The following TVP23C variants were observed in gnomAD, a reference collection of about 807,000 sequenced individuals.
TVP23C encodes Golgi apparatus membrane protein TVP23 homolog C.
In TVP23C, 19 loss-of-function variants were observed where a neutral mutation model predicts 28.7. The observed-to-expected ratio is 0.66, with a 90% confidence interval of 0.46 to 0.97. The LOEUF is 0.97. Ranked by LOEUF, TVP23C falls within the 50% of genes least tolerant of loss-of-function variation. The pLI, the probability that TVP23C is intolerant of heterozygous loss-of-function variation, is 0.00. For missense variants in TVP23C, 186 were observed against 241.3 expected, an observed-to-expected ratio of 0.77 and a Z score of 1.52; for synonymous variants, 68 against 81.7, an observed-to-expected ratio of 0.83 and a Z score of 0.90.
At chr17:15,525,639 C>A (rs1982687658) in intron 5 of TVP23C, among the ~76,000 whole-genome samples, 1 of 152,178 alleles carries the variant, frequency 6.6e-6, no homozygotes, top group Non-Finnish European at 1.5e-5. Context: ...ACTGTGTAAG[C>A]CAACTCCTTG....
At chr17:15,525,630 C>T (rs1405007025) in intron 5 of TVP23C, among the ~76,000 whole-genome samples, 3 of 152,204 alleles carry the variant, frequency 2.0e-5, no homozygotes, top group Non-Finnish European at 2.9e-5. Context: ...GTTCCCACAA[C>T]TGTGTAAGCC....
intron 1 of TVP23C, 70 bp downstream of exon 1, chr17:15,563,367 C>G: frequency 1.3e-6 from 2 of 1,546,018 alleles, no homozygotes; most frequent in South Asian, 1.2e-5. Context: ...GACGCGGGCT[C>G]CAGTCCCACG....
Position 15,545,848 on chromosome 17 carries a change from G to A in TVP23C, c.399C>T (p.Ala133=), listed in dbSNP as rs1983623419. 6.2e-7 allele frequency: 1 copy of A among 1,614,104 alleles called. No individual in the cohort carries two copies. The highest frequency in any genetic ancestry group is 2.2e-5 in the East Asian group (1 of 44,858). Residue 133 remains alanine (A), a synonymous_variant, in exon 5 of 6, where the codon GCC becomes GCT. Coordinates refer to ENST00000518321, the MANE Select transcript of TVP23C (RefSeq NM_001135036.2). ...ESRIFWLGLI[A]CSVLWVIFAF... ...CAAATATCACCCACAGTACTGAACA[G>A]GCAATAAGTCCCAACCAAAAGATTC...
In TVP23C at chr17:15,511,497, AG is replaced by A. The variant is rs563657354; in HGVS notation, c.463-8266del. ...CCAAACAACTGGTTTTAGGTCCTAA[AG>A]AATTTGAATCATTAAGAAATTTAAA... On this transcript the variant is annotated intron_variant, in intron 5 of 5. Coordinates refer to the TVP23C transcript ENST00000225576. 1.8e-3 allele frequency among the ~76,000 whole-genome samples: 270 copies of A among 152,360 alleles called. 1 individual carries two copies. The highest frequency in any genetic ancestry group is 6.3e-3 in the African/African-American group (262 of 41,584).
chr17:15,505,757 G>A (rs1247159483), intron 5 of TVP23C, among the ~76,000 whole-genome samples: 1 of 152,068 alleles, frequency 6.6e-6, no homozygotes, highest in African/African-American at 2.4e-5. Context: ...TGGAGTTCCG[G>A]GTGGGCGTGG....
At chr17:15,533,165 G>A (rs1395975270), downstream of TVP23C, among the ~76,000 whole-genome samples, 1 of 152,096 alleles carries the variant, frequency 6.6e-6, no homozygotes, top group East Asian at 1.9e-4. Flanking sequence ...ACTTACGTGA[G>A]GCATATTTTT....
In TVP23C at chr17:15,539,156, C is replaced by T; in HGVS notation, c.*1256G>A. On this transcript the variant is annotated 3_prime_UTR_variant, in exon 6 of 6. Coordinates refer to ENST00000518321, the MANE Select transcript of TVP23C (RefSeq NM_001135036.2). ...AGAAATGCAAATTATGAGACTCCACCCCCAGATCTACTGAATAAGGAGTCT... is the reference window on the plus strand; with the variant it reads ...AGAAATGCAAATTATGAGACTCCACTCCCAGATCTACTGAATAAGGAGTCT... 2 of 944,864 alleles carry T rather than the reference C, an allele frequency of 2.1e-6. No homozygotes were observed. The highest frequency in any genetic ancestry group is 2.5e-6 in the Non-Finnish European group (2 of 793,204). The allele number at this position is 944,864 out of a possible 1,614,324, so 58.5% of individuals were successfully genotyped here. A position where few individuals can be genotyped will look rare whatever the true frequency, so the allele number is the denominator to read the frequency against.
chr17:15,540,598 C>A, intron 5 of TVP23C, 37 bp from the exon 6 acceptor site: 2 of 1,605,288 alleles, frequency 1.2e-6, no homozygotes, highest in Non-Finnish European at 8.5e-7. Context: ...CGGTTACTGG[C>A]CTGAAATTGA....
chr17:15,537,674 C>G lies in TVP23C; in HGVS notation c.*2738G>C. On this transcript the variant is annotated 3_prime_UTR_variant, in exon 6 of 6. Coordinates refer to ENST00000518321, the MANE Select transcript of TVP23C (RefSeq NM_001135036.2). ...TAACTTATACATAAGCCAAAGTGCT[C>G]ACTCTTACCATAGAAGCAAAACTTT... 1 of 985,204 alleles carries G rather than the reference C, an allele frequency of 1.0e-6. No individual in the cohort carries two copies. The highest frequency in any genetic ancestry group is 1.2e-6 in the Non-Finnish European group (1 of 829,312). The allele number at this position is 985,204 out of a possible 1,614,324, so 61.0% of individuals were successfully genotyped here. A position where few individuals can be genotyped will look rare whatever the true frequency, so the allele number is the denominator to read the frequency against.
chr17:15,518,885 T>A (rs1239878117), intron 5 of TVP23C, among the ~76,000 whole-genome samples: 1 of 152,124 alleles, frequency 6.6e-6, no homozygotes, highest in Admixed American at 6.5e-5. Flanking sequence ...TCCCCACGTG[T>A]CGAGGGGGGA....
chr17:15,506,120 C>A (rs8064272), intron 5 of TVP23C, among the ~76,000 whole-genome samples: 1 of 152,226 alleles, frequency 6.6e-6, no homozygotes, highest in African/African-American at 2.4e-5. Flanking sequence ...AGCCCCGGTG[C>A]GGGATCCACT....
chr17:15,563,328 C>T (rs535281905), intron 1 of TVP23C, 109 bp downstream of exon 1: 517 of 1,513,884 alleles, frequency 3.4e-4, no homozygotes, highest in Middle Eastern at 1.2e-3. Context: ...CGCCCCGCTC[C>T]TCCTCGAGTT....
In TVP23C at chr17:15,545,774, C is replaced by T. The variant is rs747576800; in HGVS notation, c.462+11G>A. ...TAATGGATTATTTGAAAGTTCTACA[C>T]TGATACTCACCAGCCACTTTACTGT... is the stretch of plus-strand genomic sequence containing the variant. On this transcript the variant is annotated intron_variant, in intron 5 of 5. Coordinates refer to ENST00000518321, the MANE Select transcript of TVP23C (RefSeq NM_001135036.2). 6.2e-7 allele frequency: 1 copy of T among 1,611,644 alleles called. No homozygotes were observed. The highest frequency in any genetic ancestry group is 8.5e-7 in the Non-Finnish European group (1 of 1,179,284).
chr17:15,538,969 A>C lies in TVP23C; in HGVS notation c.*1443T>G. The C allele has an allele frequency of 2.0e-6, 2 of 985,822 alleles. No individual in the cohort carries two copies. Among genetic ancestry groups the C allele is most frequent in the Non-Finnish European group, 2.4e-6 (2 of 829,896 alleles). 61.1% of individuals were successfully genotyped at this position (985,822 alleles called of 1,614,324 possible). On this transcript the variant is annotated 3_prime_UTR_variant, in exon 6 of 6. Transcript: ENST00000518321. ...GTGAGAGAAACTGTACAGTAGAATAAAAAGAACAATAAATTTTGAGTACAG... is the reference window on the plus strand; with the variant it reads ...GTGAGAGAAACTGTACAGTAGAATACAAAGAACAATAAATTTTGAGTACAG...
At chr17:15,534,798 G>C (rs1983090319), downstream of TVP23C, among the ~76,000 whole-genome samples, 2 of 151,662 alleles carry the variant, frequency 1.3e-5, no homozygotes, top group South Asian at 2.1e-4. Context: ...GAGAAACCCT[G>C]TATCTACTAA....
At chr17:15,506,787 G>A in intron 5 of TVP23C, 1 of 475,686 alleles carries the variant, frequency 2.1e-6, no homozygotes, top group Admixed American at 2.8e-5. Context: ...CTTAAGAGCT[G>A]TAACACTCAC....
chr17:15,559,313 T>A lies in TVP23C; in HGVS notation c.13-3949A>T, dbSNP rs1180480073. Among the ~76,000 whole-genome samples, 5 of 105,186 alleles carry A rather than the reference T, an allele frequency of 4.8e-5. No individual in the cohort carries two copies. In the East Asian group the frequency reaches 8.2e-4, roughly 17 times the overall value. 69.0% of individuals were successfully genotyped at this position (105,186 alleles called of 152,430 possible). A position where few individuals can be genotyped will look rare whatever the true frequency, so the allele number is the denominator to read the frequency against. On this transcript the variant is annotated intron_variant, in intron 1 of 5. Transcript: ENST00000518321. Reference sequence around the variant, plus strand: ...GGTACTGCTGTAAGTGGTACAGATTTAAAAAAAAAAAAAAAAAAAAAAAGA... The same window carrying A: ...GGTACTGCTGTAAGTGGTACAGATTAAAAAAAAAAAAAAAAAAAAAAAAGA...
At chr17:15,551,044 G>A (rs1452594617) in intron 3 of TVP23C, among the ~76,000 whole-genome samples, 2 of 151,512 alleles carry the variant, frequency 1.3e-5, no homozygotes, top group Non-Finnish European at 2.9e-5. Flanking sequence ...TCTATGAACT[G>A]TTTTACTTGC....
downstream of TVP23C, among the ~76,000 whole-genome samples, chr17:15,535,414 A>G (rs1232546215): frequency 2.0e-5 from 3 of 150,492 alleles, no homozygotes; most frequent in Non-Finnish European, 4.4e-5. Flanking sequence ...GAAACTACAC[A>G]GTGTAGGTGT....
Sources: allele counts gnomAD v4.1 joint callset (sites outside exome capture counted in the v4.1 genomes callset), GRCh38; gene constraint gnomAD v4.1.1; transcripts MANE v1.5; gene names NCBI Gene and HGNC (gene_info 2026-07-23, HGNC 2026-07-21).